The following MYO1B variants were observed in gnomAD, a reference collection of about 807,000 sequenced individuals.
MYO1B encodes the protein myosin IB, also known as unconventional myosin-Ib.
A neutral mutation model predicts 159.7 loss-of-function variants in MYO1B; 72 were observed. The observed-to-expected ratio is 0.45, with a 90% CI of 0.37 to 0.55. The LOEUF (loss-of-function observed/expected upper bound fraction) is 0.55. Ranked by LOEUF, MYO1B falls within the 20% of genes least tolerant of loss-of-function variation. The probability of loss-of-function intolerance (pLI) is 0.00; values close to 1 mark genes in which losing one functional copy is unlikely to be tolerated. For synonymous variants in MYO1B, 468 were observed against 473.8 expected, an observed-to-expected ratio of 0.99 and a Z score of 0.16; for missense variants, 1,062 against 1,364.8, an observed-to-expected ratio of 0.78 and a Z score of 3.50.
intron 29 of MYO1B, among the ~76,000 whole-genome samples, chr2:191,415,304 A>T (rs1275504308): frequency 6.6e-6 from 1 of 152,248 alleles, no homozygotes; most frequent in East Asian, 1.9e-4. Context: ...CACTGAATAA[A>T]CAAAAGTTAA....
chr2:191,405,120 G>C (rs1373832602), intron 24 of MYO1B, among the ~76,000 whole-genome samples: 1 of 152,198 alleles, frequency 6.6e-6, no homozygotes, highest in Non-Finnish European at 1.5e-5. Context: ...CAAATCCTTT[G>C]TTGTCATTTC....
At chr2:191,406,486 C>T (rs1023316705) in intron 24 of MYO1B, among the ~76,000 whole-genome samples, 5 of 152,286 alleles carry the variant, frequency 3.3e-5, no homozygotes, top group Middle Eastern at 3.4e-3. Flanking sequence ...GTGTGTGACC[C>T]TTCCTTTCAG....
At chr2:191,292,447 T>G (rs1688740701) in intron 2 of MYO1B, among the ~76,000 whole-genome samples, 1 of 152,140 alleles carries the variant, frequency 6.6e-6, no homozygotes, top group Non-Finnish European at 1.5e-5. Context: ...TAGGTAGATT[T>G]AAAATTTTTC....
At chr2:191,303,100 T>G (rs1168072264) in intron 3 of MYO1B, among the ~76,000 whole-genome samples, 1 of 152,202 alleles carries the variant, frequency 6.6e-6, no homozygotes, top group Non-Finnish European at 1.5e-5. Flanking sequence ...TATCTCAAAA[T>G]GTACCAGTGC....
chr2:191,289,308 G>A (rs1416433744), intron 2 of MYO1B, among the ~76,000 whole-genome samples: 1 of 152,212 alleles, frequency 6.6e-6, no homozygotes, highest in East Asian at 1.9e-4. Context: ...GGCATGGATT[G>A]TATGCTCTAA....
At chr2:191,416,037 A>T in intron 29 of MYO1B, 78 bp from the exon 30 acceptor site, 3 of 1,440,900 alleles carry the variant, frequency 2.1e-6, no homozygotes, top group Middle Eastern at 1.8e-4. Context: ...GACTGTAAGT[A>T]TGTTTTTAGC....
intron 1 of MYO1B, among the ~76,000 whole-genome samples, chr2:191,266,817 C>T (rs1045918802): frequency 2.6e-5 from 4 of 152,118 alleles, no homozygotes; most frequent in South Asian, 2.1e-4. Context: ...TTATAGCAGC[C>T]GCTGTTATTT....
chr2:191,265,503 G>A (rs1434321858), intron 1 of MYO1B, among the ~76,000 whole-genome samples: 1 of 152,164 alleles, frequency 6.6e-6, no homozygotes, highest in Non-Finnish European at 1.5e-5. Context: ...GATTCATTTG[G>A]AAGGGAAGTT....
At chr2:191,409,617 A>G (rs1449727296) in intron 26 of MYO1B, among the ~76,000 whole-genome samples, 2 of 152,228 alleles carry the variant, frequency 1.3e-5, no homozygotes, top group East Asian at 1.9e-4. Context: ...AATACATGTG[A>G]ACACACACAC....
intron 7 of MYO1B, among the ~76,000 whole-genome samples, chr2:191,359,312 G>GGTTT (rs1553551577): frequency 4.5e-5 from 6 of 134,736 alleles, no homozygotes; most frequent in South Asian, 2.4e-4. Context: ...AACCTTTGGG[G>GGTTT]TTTTTTTTTT....
At chr2:191,403,758 T>C (rs1441770172) in intron 24 of MYO1B, among the ~76,000 whole-genome samples, 1 of 152,210 alleles carries the variant, frequency 6.6e-6, no homozygotes, top group African/African-American at 2.4e-5. Flanking sequence ...AAGAAGTAAC[T>C]TAAATATGAA....
intron 3 of MYO1B, among the ~76,000 whole-genome samples, chr2:191,298,978 A>G (rs1395499783): frequency 6.6e-6 from 1 of 152,106 alleles, no homozygotes; most frequent in African/African-American, 2.4e-5. Context: ...CTACACCACA[A>G]ACCCTCCAGG....
intron 11 of MYO1B, among the ~76,000 whole-genome samples, chr2:191,366,426 C>G (rs1694015247): frequency 6.6e-6 from 1 of 151,570 alleles, no homozygotes; most frequent in Admixed American, 6.6e-5. Flanking sequence ...GTATCTGGTT[C>G]TACTGATCTA....
intron 7 of MYO1B, among the ~76,000 whole-genome samples, chr2:191,360,400 A>G (rs1398584240): frequency 1.3e-5 from 2 of 152,196 alleles, no homozygotes; most frequent in African/African-American, 2.4e-5. Flanking sequence ...CAGTGTTTTG[A>G]ATGTAACTTA....
At chr2:191,361,897 G>A in intron 8 of MYO1B, among the ~76,000 whole-genome samples, 1 of 151,930 alleles carries the variant, frequency 6.6e-6, no homozygotes, top group East Asian at 1.9e-4. Flanking sequence ...ATAAACTAGA[G>A]AAAACCCAAA....
intron 1 of MYO1B, among the ~76,000 whole-genome samples, chr2:191,266,609 C>T (rs1326751285): frequency 1.3e-5 from 2 of 152,174 alleles, no homozygotes; most frequent in Admixed American, 6.5e-5. Context: ...TTTTCAGACC[C>T]GTCAGAAAAG....
chr2:191,383,630 AC>A (rs1490715787), intron 15 of MYO1B, among the ~76,000 whole-genome samples: 1 of 151,386 alleles, frequency 6.6e-6, no homozygotes, highest in Non-Finnish European at 1.5e-5. Context: ...TTGAACACAT[AC>A]ATAGACAGCT....
chr2:191,295,866 A>T (rs4853573), intron 2 of MYO1B, among the ~76,000 whole-genome samples: 6 of 151,866 alleles, frequency 4.0e-5, no homozygotes, highest in Non-Finnish European at 4.4e-5. Flanking sequence ...AAATTAGTTC[A>T]GAGATATACT....
intron 3 of MYO1B, among the ~76,000 whole-genome samples, chr2:191,328,068 T>C (rs1195874970): frequency 2.0e-5 from 3 of 152,208 alleles, no homozygotes; most frequent in African/African-American, 4.8e-5. Context: ...TGGGTTCAAG[T>C]TATGACTCTT....
Sources: gnomAD v4.1 joint callset for allele counts (sites outside exome capture counted in the v4.1 genomes callset) on GRCh38, gnomAD v4.1.1 for gene constraint, MANE v1.5 for transcripts, NCBI Gene and HGNC (gene_info 2026-07-23, HGNC 2026-07-21) for gene names.